RSRP1: variants seen among roughly 807,000 people sequenced by gnomAD.
RSRP1 encodes the protein arginine and serine rich protein 1.
A neutral mutation model predicts 33.0 loss-of-function variants in RSRP1; 37 were observed. The ratio of observed to expected loss-of-function variants is 1.12; its 90% confidence interval spans 0.86 to 1.48. The LOEUF (loss-of-function observed/expected upper bound fraction) is 1.48, where lower values mean the gene tolerates loss of function less well. Among genes scored for constraint, RSRP1 ranks in the 40% most tolerant of loss-of-function variants. RSRP1 has a pLI of 0.00. For missense variants in RSRP1, 402 were observed against 385.3 expected (o/e 1.04, Z -0.36); for synonymous variants, 167 against 158.7 (o/e 1.05, Z -0.40).
chr1:25,311,759 C>G (rs1159557423), intron 1 of RSRP1, among the ~76,000 whole-genome samples: 2 of 130,718 alleles, frequency 1.5e-5, no homozygotes, highest in African/African-American at 5.3e-5. Flanking sequence ...CCTCAGCCAT[C>G]CCAGCTGTGG....
In RSRP1 at chr1:25,270,371, G is replaced by A. The variant is rs1211113815; in HGVS notation, c.-66-23342C>T. Among the ~76,000 whole-genome samples, 4 of 130,704 alleles carry A rather than the reference G, an allele frequency of 3.1e-5. 1 individual carries two copies. Among genetic ancestry groups the A allele is most frequent in the African/African-American group, 1.1e-4 (4 of 37,702 alleles). 85.7% of individuals were successfully genotyped at this position (130,704 alleles called of 152,430 possible). On this transcript the variant is annotated intron_variant, in intron 1 of 1. Transcript: ENST00000561867. Reference sequence around the variant, plus strand: ...ACCTGACCGCACAGCATGAGGGATAGGCCAGCGAGCACTACCGCCTGAGCT... The same window carrying A: ...ACCTGACCGCACAGCATGAGGGATAAGCCAGCGAGCACTACCGCCTGAGCT...
At position 25,280,854 on chromosome 1, in the gene RSRP1, TC is replaced by T. The variant is rs1324010620; in HGVS notation, c.-66-33826del. Among the ~76,000 whole-genome samples the T allele has an allele frequency of 7.6e-5, 10 of 131,522 alleles. No homozygotes were observed. In the East Asian group the frequency reaches 2.0e-3, roughly 26 times the overall value. 86.3% of individuals were successfully genotyped at this position (131,522 alleles called of 152,430 possible). A position where few individuals can be genotyped will look rare whatever the true frequency, so the allele number is the denominator to read the frequency against. ...TTGAACTCCTCAGCTCAAGCAATCC[TC>T]CCTCCTTGGCCTCCCAAAGTGCTGG... is the stretch of plus-strand genomic sequence containing the variant. On this transcript the variant is annotated intron_variant, in intron 1 of 1. Transcript: ENST00000561867.
chr1:25,312,931 A>AG (rs1644232147), intron 1 of RSRP1, among the ~76,000 whole-genome samples: 1 of 90,584 alleles, frequency 1.1e-5, no homozygotes, highest in African/African-American at 3.5e-5. Flanking sequence ...AAAAAAAAAA[A>AG]AAAAAAAAAA....
At chr1:25,331,820 A>C in intron 1 of RSRP1, among the ~76,000 whole-genome samples, 1 of 118,950 alleles carries the variant, frequency 8.4e-6, no homozygotes, top group South Asian at 2.5e-4. Context: ...GCTCACTGCA[A>C]GCTCCGCCTC....
upstream of RSRP1, chr1:25,247,641 G>A (rs1418497555): frequency 1.3e-5 from 2 of 152,294 alleles, no homozygotes; most frequent in Non-Finnish European, 2.9e-5. Context: ...GGGCTCCAGG[G>A]GGAGGTGTTT....
rs574779344 is a variant in RSRP1 at position 25,286,642 on chromosome 1, C to T, written c.-66-39613G>A. 5.3e-5 allele frequency among the ~76,000 whole-genome samples: 7 copies of T among 132,582 alleles called. No individual in the cohort carries two copies. The East Asian group carries it at 9.7e-4, about 18-fold the overall frequency. 87.0% of individuals were successfully genotyped at this position (132,582 alleles called of 152,430 possible). On this transcript the variant is annotated intron_variant, in intron 1 of 1. Coordinates refer to the RSRP1 transcript ENST00000561867. ...TCTACTAAAAATACAAAAAATTAGC[C>T]GGGCGTGGTGGTGGGCGCCTGTAGT...
intron 1 of RSRP1, among the ~76,000 whole-genome samples, chr1:25,282,671 T>G (rs1557518464): frequency 7.6e-6 from 1 of 132,004 alleles, no homozygotes; most frequent in African/African-American, 2.6e-5. Flanking sequence ...ATGCCTGTAA[T>G]CCCAGCACTT....
rs2124578010 is a variant in RSRP1 at position 25,272,756 on chromosome 1, C to T, written c.-66-25727G>A. The T allele has an allele frequency of 5.1e-6, 7 of 1,367,896 alleles. 2 individuals carry two copies. In the South Asian group the frequency reaches 8.3e-5, roughly 16 times the overall value. The allele number at this position is 1,367,896 out of a possible 1,614,324, so 84.7% of individuals were successfully genotyped here. ...ATAGCAGGGGCAGGGGCGGGGGAGGCCTGTGGTTCTCCAGGGGCACAGATG... is the reference window on the plus strand; with the variant it reads ...ATAGCAGGGGCAGGGGCGGGGGAGGTCTGTGGTTCTCCAGGGGCACAGATG... On this transcript the variant is annotated intron_variant, in intron 1 of 1. Coordinates refer to the RSRP1 transcript ENST00000561867.
Position 25,294,175 on chromosome 1 carries a change from A to G in RSRP1, c.-67+43803T>C, listed in dbSNP as rs1165069715. On this transcript the variant is annotated intron_variant, in intron 1 of 1. Coordinates refer to the RSRP1 transcript ENST00000561867. The stretch of plus-strand genomic sequence containing the variant: ...GGAAGTCAAAAAGGTCAGAGCTTCC[A>G]CAGCATGGCAACAGCTTTGCAGATG... 21 of 785,544 alleles carry G rather than the reference A, an allele frequency of 2.7e-5. 1 individual carries two copies. In the Admixed American group the frequency reaches 3.7e-4, roughly 14 times the overall value. The allele number at this position is 785,544 out of a possible 1,614,324, so 48.7% of individuals were successfully genotyped here.
intron 1 of RSRP1, chr1:25,304,632 A>G (rs1284892281): frequency 7.6e-6 from 1 of 131,396 alleles, no homozygotes; most frequent in African/African-American, 2.6e-5. Context: ...ACAGAGTGGA[A>G]TATTATTTAG....
chr1:25,331,516 G>A (rs1394273390), intron 1 of RSRP1, among the ~76,000 whole-genome samples: 1 of 127,652 alleles, frequency 7.8e-6, no homozygotes, highest in African/African-American at 2.7e-5. Flanking sequence ...GTTCCACTGC[G>A]TTTATCCAGA....
At chr1:25,247,630 G>A (rs1399525709), upstream of RSRP1, 1 of 152,286 alleles carries the variant, frequency 6.6e-6, no homozygotes, top group Non-Finnish European at 1.5e-5. Context: ...CATGCGCGAT[G>A]GGGCTCCAGG....
intron 1 of RSRP1, among the ~76,000 whole-genome samples, chr1:25,299,089 A>C (rs1284507309): frequency 1.6e-5 from 2 of 126,558 alleles, no homozygotes; most frequent in African/African-American, 2.7e-5. Context: ...AAAAAAAAAA[A>C]AAAAAAAACA....
intron 1 of RSRP1, chr1:25,321,745 C>T (rs1183511295): frequency 4.9e-6 from 2 of 411,492 alleles, no homozygotes. Flanking sequence ...AATGACAGGG[C>T]TTCCATTTAT....
At chr1:25,306,077 G>A (rs569303126) in intron 1 of RSRP1, among the ~76,000 whole-genome samples, 2 of 132,026 alleles carry the variant, frequency 1.5e-5, no homozygotes, top group African/African-American at 5.2e-5. Context: ...CTAACCAGCT[G>A]TGTTGTCTTT....
chr1:25,310,207 T>C (rs1201691207), intron 1 of RSRP1, among the ~76,000 whole-genome samples: 1 of 133,350 alleles, frequency 7.5e-6, no homozygotes, highest in African/African-American at 2.5e-5. Context: ...GTCCCCCAAA[T>C]TTCATGTGCT....
Position 25,307,721 on chromosome 1 carries a change from A to C in RSRP1, c.-67+30257T>G. On this transcript the variant is annotated intron_variant, in intron 1 of 1. Coordinates refer to the RSRP1 transcript ENST00000561867. ...GAGCTGATGCGTTTGGACGTGTCTCAGAGAAATCATGGAGGCGCTGCGGTT... is the reference window on the plus strand; with the variant it reads ...GAGCTGATGCGTTTGGACGTGTCTCCGAGAAATCATGGAGGCGCTGCGGTT... The C allele has an allele frequency of 3.8e-6, 5 of 1,308,542 alleles. 1 individual carries two copies. Among genetic ancestry groups the C allele is most frequent in the Non-Finnish European group, 5.3e-6 (5 of 950,266 alleles). The allele number at this position is 1,308,542 out of a possible 1,614,324, so 81.1% of individuals were successfully genotyped here. A position where few individuals can be genotyped will look rare whatever the true frequency, so the allele number is the denominator to read the frequency against.
At chr1:25,277,737 C>A (rs368435585) in intron 1 of RSRP1, among the ~76,000 whole-genome samples, 7 of 122,110 alleles carry the variant, frequency 5.7e-5, no homozygotes, top group Admixed American at 1.6e-4. Context: ...TGCAGTGGTG[C>A]GATCTTGGCT....
At chr1:25,252,518 T>G (rs1014046258) in intron 1 of RSRP1, among the ~76,000 whole-genome samples, 2 of 150,714 alleles carry the variant, frequency 1.3e-5, no homozygotes, top group South Asian at 2.1e-4. Flanking sequence ...TTCAGCGTAG[T>G]CTGGGACCCT....
Sources: allele counts gnomAD v4.1 joint callset (sites outside exome capture counted in the v4.1 genomes callset), GRCh38; gene constraint gnomAD v4.1.1; transcripts MANE v1.5; gene names NCBI Gene and HGNC (gene_info 2026-07-23, HGNC 2026-07-21).